Variants in AFG2A observed in about 807,000 individuals in gnomAD.
AFG2A encodes the protein AAA ATPase AFG2A.
chr4:123,066,784 T>G, the AFG2A span, among the ~76,000 whole-genome samples: 2 of 152,210 alleles, frequency 1.3e-5, no homozygotes, highest in Non-Finnish European at 2.9e-5. Context: ...TAACATAATT[T>G]CATATTGGTA....
the AFG2A span, among the ~76,000 whole-genome samples, chr4:123,308,397 G>C: frequency 6.6e-6 from 1 of 152,150 alleles, no homozygotes; most frequent in Non-Finnish European, 1.5e-5. Context: ...GTACTGGTCC[G>C]TAGCATGTCA....
chr4:123,106,051 A>G, the AFG2A span, among the ~76,000 whole-genome samples: 4 of 152,118 alleles, frequency 2.6e-5, no homozygotes, highest in Admixed American at 2.6e-4. Flanking sequence ...TCGATGTGGC[A>G]TACTTTATTG....
chr4:122,999,596 T>C, the AFG2A span, among the ~76,000 whole-genome samples: 17 of 151,964 alleles, frequency 1.1e-4, no homozygotes, highest in African/African-American at 4.1e-4. Context: ...TTTTCTCAGG[T>C]TTGTCAAAGA....
chr4:123,158,453 A>G, the AFG2A span, among the ~76,000 whole-genome samples: 3 of 152,190 alleles, frequency 2.0e-5, no homozygotes, highest in Non-Finnish European at 4.4e-5. Flanking sequence ...TAGAAAGTCT[A>G]AGTTTACTAA....
At chr4:123,036,534 T>C in the AFG2A span, among the ~76,000 whole-genome samples, 1 of 151,994 alleles carries the variant, frequency 6.6e-6, no homozygotes, top group Non-Finnish European at 1.5e-5. Flanking sequence ...AATGTGGAAA[T>C]TGGAAATCAG....
At chr4:123,126,586 G>T in the AFG2A span, among the ~76,000 whole-genome samples, 1 of 152,124 alleles carries the variant, frequency 6.6e-6, no homozygotes, top group Non-Finnish European at 1.5e-5. Flanking sequence ...AATCATGGGG[G>T]TGCTTACCTC....
chr4:123,180,375 A>G, the AFG2A span, among the ~76,000 whole-genome samples: 1 of 152,200 alleles, frequency 6.6e-6, no homozygotes, highest in African/African-American at 2.4e-5. Context: ...CATATGTGGT[A>G]CATATGTTAC....
the AFG2A span, among the ~76,000 whole-genome samples, chr4:122,924,642 C>A: frequency 3.3e-5 from 5 of 152,038 alleles, no homozygotes; most frequent in Non-Finnish European, 7.4e-5. Context: ...CTCAATAAAT[C>A]CTGTCTCCTT....
chr4:123,298,112 T>TATAC, the AFG2A span, among the ~76,000 whole-genome samples: 1 of 150,138 alleles, frequency 6.7e-6, no homozygotes, highest in Non-Finnish European at 1.5e-5. Context: ...TGCATACACA[T>TATAC]ACACACACAC....
chr4:123,108,389 A>C, the AFG2A span, among the ~76,000 whole-genome samples: 1 of 152,210 alleles, frequency 6.6e-6, no homozygotes, highest in Non-Finnish European at 1.5e-5. Flanking sequence ...GTACTTAAAA[A>C]AAAAAGCTAG....
the AFG2A span, among the ~76,000 whole-genome samples, chr4:123,301,282 A>T: frequency 6.6e-6 from 1 of 152,198 alleles, no homozygotes; most frequent in Admixed American, 6.5e-5. Flanking sequence ...GTGAAATACC[A>T]ATTGAAATAG....
chr4:123,312,777 G>T, the AFG2A span, among the ~76,000 whole-genome samples: 2 of 152,132 alleles, frequency 1.3e-5, no homozygotes, highest in African/African-American at 4.8e-5. Context: ...TTACATTGTC[G>T]TAATTTGACA....
At chr4:123,282,656 C>T in the AFG2A span, among the ~76,000 whole-genome samples, 16 of 152,122 alleles carry the variant, frequency 1.1e-4, no homozygotes, top group African/African-American at 3.6e-4. Context: ...ACACAGCCAC[C>T]GCTGTGAGAC....
At chr4:123,298,293 G>A in the AFG2A span, among the ~76,000 whole-genome samples, 1 of 152,182 alleles carries the variant, frequency 6.6e-6, no homozygotes, top group Non-Finnish European at 1.5e-5. Context: ...CACAGCAACT[G>A]TTCCTGGTCA....
the AFG2A span, among the ~76,000 whole-genome samples, chr4:123,055,454 T>C: frequency 3.3e-5 from 5 of 152,166 alleles, no homozygotes; most frequent in Non-Finnish European, 5.9e-5. Flanking sequence ...ATTTTCCTTG[T>C]AATATGGTGT....
the AFG2A span, among the ~76,000 whole-genome samples, chr4:123,093,457 A>AT: frequency 1.3e-5 from 2 of 152,180 alleles, no homozygotes; most frequent in African/African-American, 4.8e-5. Context: ...GCAGTGTCTT[A>AT]GGCCAATGAG....
chr4:123,057,008 G>C, the AFG2A span, among the ~76,000 whole-genome samples: 3 of 152,204 alleles, frequency 2.0e-5, no homozygotes, highest in Non-Finnish European at 4.4e-5. Context: ...TGATAGTCTT[G>C]TCTCTTTAAG....
the AFG2A span, among the ~76,000 whole-genome samples, chr4:123,122,947 A>G: frequency 6.6e-6 from 1 of 152,200 alleles, no homozygotes; most frequent in Non-Finnish European, 1.5e-5. Flanking sequence ...CTTTCTGAAA[A>G]TTGACCTTTT....
the AFG2A span, among the ~76,000 whole-genome samples, chr4:122,931,802 A>C: frequency 4.6e-5 from 7 of 152,314 alleles, no homozygotes; most frequent in African/African-American, 1.4e-4. Context: ...CTACATGGTA[A>C]CATGGGTGTT....
Sources: allele counts gnomAD v4.1 joint callset (sites outside exome capture counted in the v4.1 genomes callset), GRCh38; gene constraint gnomAD v4.1.1; transcripts MANE v1.5; gene names NCBI Gene and HGNC (gene_info 2026-07-23, HGNC 2026-07-21).